Variants in FANK1 observed in about 807,000 individuals in gnomAD.
FANK1 encodes the protein fibronectin type III and ankyrin repeat domains 1, also known as fibronectin type 3 and ankyrin repeat domains protein 1.
A neutral mutation model predicts 45.3 loss-of-function variants in FANK1; 44 were observed. That is an observed-to-expected ratio of 0.97 (90% CI 0.76 to 1.25). The LOEUF (loss-of-function observed/expected upper bound fraction) is 1.25, where lower values mean the gene tolerates loss of function less well. FANK1 is among the 50% of genes most tolerant of loss of function. The pLI is 0.00. For missense variants in FANK1, 391 were observed against 424.4 expected, an observed-to-expected ratio of 0.92 and a Z score of 0.69; for synonymous variants, 149 against 152.5, an observed-to-expected ratio of 0.98 and a Z score of 0.17.
intron 1 of FANK1, among the ~76,000 whole-genome samples, chr10:125,916,654 GCAAT>G (rs1946472392): frequency 1.3e-5 from 2 of 152,006 alleles, no homozygotes; most frequent in Non-Finnish European, 2.9e-5. Context: ...ACAGAGAAAG[GCAAT>G]TCTGACACAT....
At chr10:125,992,118 G>T (rs1478120571) in intron 3 of FANK1, among the ~76,000 whole-genome samples, 3 of 152,188 alleles carry the variant, frequency 2.0e-5, no homozygotes, top group African/African-American at 7.2e-5. Context: ...CTTATTGATG[G>T]CATTCCCTTG....
intron 1 of FANK1, among the ~76,000 whole-genome samples, chr10:125,938,983 G>C (rs1397604150): frequency 6.6e-6 from 1 of 152,176 alleles, no homozygotes; most frequent in Non-Finnish European, 1.5e-5. Context: ...ATCAAGCTTA[G>C]AATCACTAAT....
At chr10:125,901,772 ATC>A (rs1399627885) in intron 1 of FANK1, among the ~76,000 whole-genome samples, 6 of 152,146 alleles carry the variant, frequency 3.9e-5, no homozygotes, top group African/African-American at 1.4e-4. Flanking sequence ...ATGTTATTCT[ATC>A]TCTGCGCTTT....
At chr10:125,919,189 G>A (rs1946738375) in intron 1 of FANK1, among the ~76,000 whole-genome samples, 1 of 83,420 alleles carries the variant, frequency 1.2e-5, no homozygotes, top group African/African-American at 4.2e-5. Context: ...CTTCCAGGAG[G>A]TAAGAATTTT....
At chr10:125,917,606 A>C (rs75467110) in intron 1 of FANK1, among the ~76,000 whole-genome samples, 1 of 152,214 alleles carries the variant, frequency 6.6e-6, no homozygotes, top group African/African-American at 2.4e-5. Flanking sequence ...CAGAAAAGTC[A>C]ATTTCTTCTG....
chr10:125,990,307 A>G (rs1397541473), intron 3 of FANK1, among the ~76,000 whole-genome samples: 2 of 152,174 alleles, frequency 1.3e-5, no homozygotes, highest in Non-Finnish European at 2.9e-5. Context: ...GAGCAGGAGT[A>G]TCGCTTCAGC....
chr10:125,969,566 T>G (rs1950365739), intron 1 of FANK1, among the ~76,000 whole-genome samples: 1 of 152,202 alleles, frequency 6.6e-6, no homozygotes, highest in African/African-American at 2.4e-5. Context: ...CAGATAGGGA[T>G]ATAAACATCA....
chr10:126,004,822 AGGT>A, intron 6 of FANK1, 59 bp from the exon 7 acceptor site: 1 of 1,564,748 alleles, frequency 6.4e-7, no homozygotes, highest in Non-Finnish European at 8.8e-7. Context: ...GTAGGGTAAA[AGGT>A]GGAGCTGAGT....
chr10:125,987,622 G>A (rs1446996805), intron 2 of FANK1, among the ~76,000 whole-genome samples: 2 of 152,106 alleles, frequency 1.3e-5, no homozygotes, highest in Non-Finnish European at 2.9e-5. Flanking sequence ...GATACATGGA[G>A]TTTAGTCGGA....
At chr10:125,968,017 C>T (rs1012435291) in intron 1 of FANK1, among the ~76,000 whole-genome samples, 34 of 151,776 alleles carry the variant, frequency 2.2e-4, no homozygotes, top group African/African-American at 8.2e-4. Context: ...ATATTATTAC[C>T]ATTACATGTT....
intron 1 of FANK1, among the ~76,000 whole-genome samples, chr10:125,965,786 C>G (rs1224036832): frequency 6.6e-6 from 1 of 152,204 alleles, no homozygotes; most frequent in African/African-American, 2.4e-5. Flanking sequence ...AAGGAAATAT[C>G]TTGGGAAGTA....
intron 1 of FANK1, among the ~76,000 whole-genome samples, chr10:125,924,004 A>G (rs1947136523): frequency 6.6e-6 from 1 of 152,120 alleles, no homozygotes; most frequent in East Asian, 1.9e-4. Context: ...TAATCCCAGC[A>G]CTTTGAGAGG....
intron 1 of FANK1, among the ~76,000 whole-genome samples, chr10:125,958,478 T>C (rs1949719669): frequency 6.6e-6 from 1 of 152,202 alleles, no homozygotes; most frequent in Non-Finnish European, 1.5e-5. Context: ...TCTCAAGTGA[T>C]TGGCCAGCCT....
At chr10:125,986,907 T>C (rs569202653) in intron 2 of FANK1, among the ~76,000 whole-genome samples, 2 of 152,306 alleles carry the variant, frequency 1.3e-5, no homozygotes, top group African/African-American at 4.8e-5. Flanking sequence ...GTTGGGTCTG[T>C]TCTTTAGCCA....
rs34132526 is a variant in FANK1 at position 125,906,515 on chromosome 10, C to CAAAAAAAAAAAA, written c.13+9878_13+9889dup. ...TTGGGGACAGAGCAAGACTCTGTCT[C>CAAAAAAAAAAAA]AAAAAAAAAAAAAAAAAAAAAAAAA... On this transcript the variant is annotated intron_variant, in intron 1 of 10. Transcript: ENST00000368693. Among the ~76,000 whole-genome samples the CAAAAAAAAAAAA allele has an allele frequency of 7.3e-4, 34 of 46,420 alleles. 2 individuals carry two copies. The highest frequency in any genetic ancestry group is 1.6e-3 in the African/African-American group (22 of 13,426). The allele number at this position is 46,420 out of a possible 152,430, so 30.5% of individuals were successfully genotyped here. A position where few individuals can be genotyped will look rare whatever the true frequency, so the allele number is the denominator to read the frequency against.
intron 2 of FANK1, among the ~76,000 whole-genome samples, chr10:125,984,057 C>T (rs1396752299): frequency 1.3e-5 from 2 of 152,036 alleles, no homozygotes; most frequent in Admixed American, 6.6e-5. Context: ...ATGTGAGATA[C>T]GGGATGTGAG....
intron 2 of FANK1, among the ~76,000 whole-genome samples, 153 bp from the exon 3 acceptor site, chr10:125,988,398 C>A (rs1420624756): frequency 6.6e-6 from 1 of 152,154 alleles, no homozygotes; most frequent in African/African-American, 2.4e-5. Flanking sequence ...TGGGACTTGT[C>A]CTTCATTCTC....
At chr10:125,973,974 G>C (rs1161796497) in intron 1 of FANK1, among the ~76,000 whole-genome samples, 1 of 152,130 alleles carries the variant, frequency 6.6e-6, no homozygotes, top group East Asian at 1.9e-4. Flanking sequence ...TGTTGATGCA[G>C]GTGTATACAA....
chr10:126,001,425 C>T (rs987415107), intron 6 of FANK1, among the ~76,000 whole-genome samples: 10 of 152,182 alleles, frequency 6.6e-5, no homozygotes, highest in South Asian at 4.1e-4. Context: ...AGAGAAAAGA[C>T]GGGATTTTGT....
Sources: allele counts gnomAD v4.1 joint callset (sites outside exome capture counted in the v4.1 genomes callset), GRCh38; gene constraint gnomAD v4.1.1; transcripts MANE v1.5; gene names NCBI Gene and HGNC (gene_info 2026-07-23, HGNC 2026-07-21).